CLDN25: variants seen among roughly 807,000 people sequenced by gnomAD.
The protein encoded by CLDN25 is claudin-25.
For missense variants in CLDN25, 286 were observed against 279.7 expected, an observed-to-expected ratio of 1.02 and a Z score of -0.16; for synonymous variants, 117 against 112.7, an observed-to-expected ratio of 1.04 and a Z score of -0.24.
rs1294169104 is a variant in CLDN25, at chr11:113,780,476, G to C, written c.681G>C (p.Leu227=). 5 of 1,610,232 alleles carry C rather than the reference G, an allele frequency of 3.1e-6. No individual in the cohort carries two copies. The Admixed American group carries it at 8.4e-5, about 27-fold the overall frequency. Residue 227 remains leucine (L), a synonymous_variant, in exon 1 of 1, where the codon CTG becomes CTC. Transcript: ENST00000453129. Reference sequence around the variant, plus strand: ...ACCTCATGCTAAGACCTAGGAACCTGGTCATCTAGGACTGGCTTCTGCCAA... The same window carrying C: ...ACCTCATGCTAAGACCTAGGAACCTCGTCATCTAGGACTGGCTTCTGCCAA...
exon 1 of CLDN25, chr11:113,780,034 C>A: frequency 1.2e-6 from 2 of 1,614,048 alleles, no homozygotes; most frequent in Non-Finnish European, 8.5e-7. Context: ...CTCCAGGTAG[C>A]CCGCATCCTC....
At chr11:113,780,456 A>T (rs762784616) in exon 1 of CLDN25, 1 of 1,613,158 alleles carries the variant, frequency 6.2e-7, no homozygotes, top group South Asian at 1.1e-5. Context: ...CTTCCACCTC[A>T]TGCTAAGACC....
chr11:113,780,061 G>A (rs1462110337), exon 1 of CLDN25: 1 of 1,614,006 alleles, frequency 6.2e-7, no homozygotes. Context: ...GCCTCCCATG[G>A]GCTGGGCCTA....
exon 1 of CLDN25, chr11:113,779,850 C>T: frequency 1.2e-6 from 2 of 1,613,934 alleles, no homozygotes; most frequent in Non-Finnish European, 1.7e-6. Context: ...TCTCTCCCTC[C>T]TTGGCTGGGT....
At chr11:113,780,036 C>T (rs200887183) in exon 1 of CLDN25, 9 of 1,613,918 alleles carry the variant, frequency 5.6e-6, no homozygotes, top group Admixed American at 5.0e-5. Context: ...CCAGGTAGCC[C>T]GCATCCTCAT....
rs1239390615 is a variant in CLDN25, at chr11:113,779,959, T to C, written c.164T>C (p.Val55Ala). 2 of 1,613,878 alleles carry C rather than the reference T, an allele frequency of 1.2e-6. No homozygotes were observed. Among genetic ancestry groups the C allele is most frequent in the Admixed American group, 3.3e-5 (2 of 60,008 alleles). Reference sequence around the variant, plus strand: ...ATCATGGGGATTTGGGAGGTCTGCGTGGATCGAGAGGAAGTCGCCACTGTG... The same window carrying C: ...ATCATGGGGATTTGGGAGGTCTGCGCGGATCGAGAGGAAGTCGCCACTGTG... The change falls in exon 1 of 1, where the codon GTG (valine) becomes GCG (alanine). Residue 55 changes from valine to alanine, a missense_variant. Physicochemically the swap from Val to Ala is moderately conservative, Grantham distance 64. Coordinates refer to ENST00000453129, the Ensembl canonical transcript of CLDN25.
Position 113,780,270 on chromosome 11 carries a change from C to T in CLDN25, c.475C>T (p.Arg159Trp), listed in dbSNP as rs781501145. Reference sequence around the variant, plus strand: ...TGACAGCATCCCTGACATCATACCTCGGTGGGAGTTTGGAGGTGCCCTCTA... The same window carrying T: ...TGACAGCATCCCTGACATCATACCTTGGTGGGAGTTTGGAGGTGCCCTCTA... The change falls in exon 1 of 1, where the codon CGG (arginine) becomes TGG (tryptophan). Residue 159 changes from arginine to tryptophan, a missense_variant. By Grantham distance (101) the Arg-to-Trp change is moderately radical. Coordinates refer to ENST00000453129, the Ensembl canonical transcript of CLDN25. 7.4e-6 allele frequency: 12 copies of T among 1,613,820 alleles called. No individual in the cohort carries two copies. In the Admixed American group the frequency reaches 8.3e-5, roughly 11 times the overall value.
At chr11:113,779,849 C>G in exon 1 of CLDN25, 1 of 1,613,966 alleles carries the variant, frequency 6.2e-7, no homozygotes, top group Non-Finnish European at 8.5e-7. Context: ...TTCTCTCCCT[C>G]CTTGGCTGGG....
chr11:113,779,978 C>T (rs1220164217), exon 1 of CLDN25: 2 of 1,613,884 alleles, frequency 1.2e-6, no homozygotes, highest in Non-Finnish European at 1.7e-6. Context: ...AGGAAGTCGC[C>T]ACTGTGTGCA....
At chr11:113,780,467 T>G in exon 1 of CLDN25, 2 of 1,611,662 alleles carry the variant, frequency 1.2e-6, no homozygotes, top group Non-Finnish European at 1.7e-6. Flanking sequence ...TGCTAAGACC[T>G]AGGAACCTGG....
exon 1 of CLDN25, chr11:113,779,824 A>C: frequency 6.2e-7 from 1 of 1,612,906 alleles, no homozygotes; most frequent in South Asian, 1.1e-5. Flanking sequence ...GCAAAAGTCC[A>C]GCTCGGGGGG....
At position 113,780,030 on chromosome 11, in the gene CLDN25, G is replaced by A. The variant is rs765901652; in HGVS notation, c.235G>A (p.Val79Ile). The A allele has an allele frequency of 6.2e-6, 10 of 1,613,928 alleles. No homozygotes were observed. The South Asian group carries it at 1.1e-4, about 18-fold the overall frequency. The change falls in exon 1 of 1, where the codon GTA becomes ATA. Residue 79 changes from valine to isoleucine, a missense_variant. Physicochemically the swap from Val to Ile is conservative, Grantham distance 29 (BLOSUM62 3). Coordinates refer to ENST00000453129, the Ensembl canonical transcript of CLDN25. ...CTTGTCTCTGCCCCAGGAGCTCCAG[G>A]TAGCCCGCATCCTCATGGTAGCCTC... is the stretch of plus-strand genomic sequence containing the variant.
exon 1 of CLDN25, chr11:113,780,278 G>A: frequency 6.2e-7 from 1 of 1,613,834 alleles, no homozygotes; most frequent in Non-Finnish European, 8.5e-7. Flanking sequence ...CTCGGTGGGA[G>A]TTTGGAGGTG....
At position 113,780,409 on chromosome 11, in the gene CLDN25, C is replaced by G. The variant is rs749585439; in HGVS notation, c.614C>G (p.Pro205Arg). ...CCTTTGATGGCTGGTCCCACAGTCC[C>G]CCTATCCTGTGCTCCAGTGGAGGAG... The change falls in exon 1 of 1, where the codon CCC becomes CGC. Residue 205 changes from proline (P) to arginine (R), a missense_variant. Physicochemically the swap from Pro to Arg is moderately radical, Grantham distance 103. Coordinates refer to ENST00000453129, the Ensembl canonical transcript of CLDN25. 4.3e-6 allele frequency: 7 copies of G among 1,613,830 alleles called. No homozygotes were observed. Among genetic ancestry groups the G allele is most frequent in the African/African-American group, 4.0e-5 (3 of 74,916 alleles).
At chr11:113,780,442 G>T (rs1263766310) in exon 1 of CLDN25, 1 of 1,613,790 alleles carries the variant, frequency 6.2e-7, no homozygotes, top group Non-Finnish European at 8.5e-7. Context: ...GAGTCAGATG[G>T]CTCCTTCCAC....
At chr11:113,779,991 G>A (rs866329317) in exon 1 of CLDN25, 11 of 1,613,886 alleles carry the variant, frequency 6.8e-6, no homozygotes, top group South Asian at 1.1e-5. Context: ...TGTGTGCAAG[G>A]CCTTTGAATC....
exon 1 of CLDN25, chr11:113,780,264 A>C (rs1250981734): frequency 1.2e-6 from 2 of 1,613,578 alleles, no homozygotes; most frequent in African/African-American, 2.7e-5. Context: ...CCCTGACATC[A>C]TACCTCGGTG....
In CLDN25 at chr11:113,779,997, G is replaced by T; in HGVS notation, c.202G>T (p.Glu68Ter). The T allele has an allele frequency of 6.2e-7, 1 of 1,614,006 alleles. No homozygotes were observed. The highest frequency in any genetic ancestry group is 1.1e-5 in the South Asian group (1 of 91,082). The change falls in exon 1 of 1, where the codon GAA becomes TAA. Residue 68 changes from glutamate (E) to a stop codon, truncating the protein, a stop_gained. Coordinates refer to ENST00000453129, the Ensembl canonical transcript of CLDN25. LOFTEE classifies it low-confidence loss of function (END_TRUNC). ...AGTCGCCACTGTGTGCAAGGCCTTTGAATCCTTCTTGTCTCTGCCCCAGGA... is the reference window on the plus strand; with the variant it reads ...AGTCGCCACTGTGTGCAAGGCCTTTTAATCCTTCTTGTCTCTGCCCCAGGA...
exon 1 of CLDN25, chr11:113,780,373 A>G (rs1190985685): frequency 2.5e-6 from 4 of 1,613,750 alleles, no homozygotes; most frequent in Non-Finnish European, 3.4e-6. Flanking sequence ...GGAAAAGAAG[A>G]TGTGCCTTTT....
Sources: allele counts gnomAD v4.1 joint callset, GRCh38; gene constraint gnomAD v4.1.1; transcripts MANE v1.5; gene names NCBI Gene and HGNC (gene_info 2026-07-23, HGNC 2026-07-21).